The following FAM227B variants were observed in gnomAD, a reference collection of about 807,000 sequenced individuals.
The protein encoded by FAM227B is protein FAM227B.
Under a neutral mutation model 73.8 loss-of-function variants are expected in FAM227B, and 88 were observed. The ratio of observed to expected loss-of-function variants is 1.19; its 90% CI spans 1.00 to 1.42. FAM227B has a LOEUF of 1.42. FAM227B is among the 40% of genes most tolerant of loss of function. The probability of loss-of-function intolerance (pLI) is 0.00; values close to 1 mark genes in which losing one functional copy is unlikely to be tolerated. For missense variants in FAM227B, 632 were observed against 590.9 expected, an observed-to-expected ratio of 1.07 and a Z score of -0.72; for synonymous variants, 210 against 190.5, an observed-to-expected ratio of 1.10 and a Z score of -0.84.
intron 11 of FAM227B, among the ~76,000 whole-genome samples, chr15:49,374,908 G>C (rs1159545156): frequency 2.0e-5 from 3 of 152,130 alleles, no homozygotes; most frequent in African/African-American, 7.2e-5. Flanking sequence ...GACTGTTTCA[G>C]ATCTTTATAT....
At chr15:49,386,497 A>G (rs959301866) in intron 11 of FAM227B, among the ~76,000 whole-genome samples, 4 of 151,928 alleles carry the variant, frequency 2.6e-5, no homozygotes, top group African/African-American at 9.7e-5. Flanking sequence ...GGAATACAGC[A>G]AAAGCAGTGC....
intron 10 of FAM227B, among the ~76,000 whole-genome samples, chr15:49,538,191 T>C (rs756277540): frequency 1.2e-4 from 19 of 152,144 alleles, no homozygotes; most frequent in Non-Finnish European, 2.4e-4. Flanking sequence ...ACTTGAAGAA[T>C]ATAAATTGAA....
At chr15:49,483,780 T>C (rs915527334) in intron 11 of FAM227B, among the ~76,000 whole-genome samples, 4 of 152,116 alleles carry the variant, frequency 2.6e-5, no homozygotes, top group Non-Finnish European at 4.4e-5. Flanking sequence ...CTTTCCTTTG[T>C]ATTCCCACAG....
chr15:49,515,577 A>G (rs2059320652), intron 10 of FAM227B, among the ~76,000 whole-genome samples: 1 of 152,172 alleles, frequency 6.6e-6, no homozygotes, highest in African/African-American at 2.4e-5. Flanking sequence ...TGAGGTAAGT[A>G]GTTTTAACGC....
intron 11 of FAM227B, among the ~76,000 whole-genome samples, chr15:49,408,603 G>A (rs1226536589): frequency 1.3e-5 from 2 of 151,908 alleles, no homozygotes; most frequent in African/African-American, 4.8e-5. Context: ...CTGCCTCTCT[G>A]TTTTTTGTTC....
At chr15:49,380,088 T>C (rs1243555684) in intron 11 of FAM227B, among the ~76,000 whole-genome samples, 1 of 152,186 alleles carries the variant, frequency 6.6e-6, no homozygotes, top group Non-Finnish European at 1.5e-5. Flanking sequence ...ACAGCTGAGC[T>C]GGCACTCAAA....
intron 11 of FAM227B, chr15:49,485,564 T>A (rs2056339089): frequency 6.6e-6 from 1 of 152,438 alleles, no homozygotes; most frequent in African/African-American, 2.4e-5. Context: ...CAAGTTTCCC[T>A]CCCTTTTCTG....
chr15:49,610,420 T>TAAAAAAAA (rs72044107), intron 3 of FAM227B, among the ~76,000 whole-genome samples: 1 of 119,574 alleles, frequency 8.4e-6, no homozygotes, highest in African/African-American at 3.0e-5. Context: ...ACATTGAAAG[T>TAAAAAAAA]AAAAAAAAAA....
intron 10 of FAM227B, among the ~76,000 whole-genome samples, chr15:49,536,075 A>G (rs1400967054): frequency 7.0e-5 from 1 of 14,282 alleles, no homozygotes; most frequent in South Asian, 2.0e-3. Flanking sequence ...AATCAGACAA[A>G]AAAAAAAAAA....
At chr15:49,446,206 TTA>T (rs1487784964) in intron 11 of FAM227B, among the ~76,000 whole-genome samples, 1 of 151,582 alleles carries the variant, frequency 6.6e-6, no homozygotes, top group Non-Finnish European at 1.5e-5. Flanking sequence ...TTTTTTCTTT[TTA>T]AGTTAAGAGC....
chr15:49,507,173 T>C (rs947876715), intron 11 of FAM227B, among the ~76,000 whole-genome samples: 4 of 151,536 alleles, frequency 2.6e-5, no homozygotes, highest in South Asian at 4.1e-4. Flanking sequence ...TAATAAAAGA[T>C]AGAAATCATA....
At chr15:49,435,697 A>T (rs2051040498) in intron 11 of FAM227B, among the ~76,000 whole-genome samples, 1 of 151,602 alleles carries the variant, frequency 6.6e-6, no homozygotes, top group Admixed American at 6.6e-5. Flanking sequence ...ACCCCAAAGA[A>T]GATGAGCATA....
chr15:49,351,996 C>G (rs573121830), intron 13 of FAM227B, among the ~76,000 whole-genome samples: 17 of 152,184 alleles, frequency 1.1e-4, no homozygotes, highest in Non-Finnish European at 1.9e-4. Context: ...CTAGGCTGTT[C>G]TAAGATGGAG....
chr15:49,360,277 T>A (rs2043977987), intron 13 of FAM227B, among the ~76,000 whole-genome samples: 1 of 151,446 alleles, frequency 6.6e-6, no homozygotes, highest in African/African-American at 2.4e-5. Context: ...TGTGTGATAG[T>A]GGGAGCATGT....
At chr15:49,354,923 TCCCTGAC>T (rs2042872667) in intron 13 of FAM227B, among the ~76,000 whole-genome samples, 1 of 151,980 alleles carries the variant, frequency 6.6e-6, no homozygotes, top group South Asian at 2.1e-4. Context: ...CTCAAGTGGG[TCCCTGAC>T]CCCTGACCCT....
At chr15:49,589,312 T>C (rs1270212111) in intron 4 of FAM227B, among the ~76,000 whole-genome samples, 4 of 152,222 alleles carry the variant, frequency 2.6e-5, no homozygotes, top group African/African-American at 7.2e-5. Flanking sequence ...GAATATTAGT[T>C]GATGCAATCT....
intron 9 of FAM227B, among the ~76,000 whole-genome samples, chr15:49,547,697 T>C (rs2072148053): frequency 1.3e-5 from 2 of 152,200 alleles, no homozygotes; most frequent in Admixed American, 1.3e-4. Flanking sequence ...CAAAATAGAC[T>C]TTAAAGCAAC....
In FAM227B at chr15:49,335,492, G is replaced by A. The variant is rs148287477; in HGVS notation, c.1276C>T (p.Pro426Ser). 1.4e-5 allele frequency: 22 copies of A among 1,612,072 alleles called. No individual in the cohort carries two copies. In the South Asian group the frequency reaches 1.8e-4, roughly 13 times the overall value. The change falls in exon 14 of 16, where the codon CCT becomes TCT. Residue 426 changes from proline (P) to serine (S), a missense_variant. Pro to Ser is a moderately conservative substitution (Grantham distance 74, BLOSUM62 -1). Coordinates refer to ENST00000299338, the MANE Select transcript of FAM227B (RefSeq NM_152647.3). Reference protein sequence around the residue: ...KLTKIFQEPLPAPTYRDVIKE... With the variant: ...KLTKIFQEPLSAPTYRDVIKE... ...ATAACATCACGGTATGTTGGAGCAG[G>A]TAGTGTGCTAGGCTTATTATTAAGG...
intron 9 of FAM227B, among the ~76,000 whole-genome samples, chr15:49,557,028 T>C (rs1294715375): frequency 1.3e-5 from 2 of 152,128 alleles, no homozygotes; most frequent in Non-Finnish European, 2.9e-5. Context: ...AAGAAGTCCT[T>C]GTGCATGGTA....
Sources: allele counts gnomAD v4.1 joint callset (sites outside exome capture counted in the v4.1 genomes callset), GRCh38; gene constraint gnomAD v4.1.1; transcripts MANE v1.5; gene names NCBI Gene and HGNC (gene_info 2026-07-23, HGNC 2026-07-21).